Variants in CYP2C19 observed in about 807,000 individuals in gnomAD.
The protein encoded by CYP2C19 is cytochrome P450 family 2 subfamily C member 19.
A neutral mutation model predicts 40.9 loss-of-function variants in CYP2C19; 59 were observed. The ratio of observed to expected loss-of-function variants is 1.44; its 90% CI spans 1.17 to 1.79. The LOEUF is 1.79. Among genes scored for constraint, CYP2C19 ranks in the 40% most tolerant of loss-of-function variants. The pLI is 0.00. For missense variants in CYP2C19, 754 were observed against 596.9 expected (o/e 1.26, Z -2.74); for synonymous variants, 253 against 208.7 (o/e 1.21, Z -1.83).
At position 94,805,398 on chromosome 10, in the gene CYP2C19, T is replaced by G. The variant is rs7476824; in HGVS notation, c.820-15098T>G. 1.8e-4 allele frequency among the ~76,000 whole-genome samples: 28 copies of G among 152,318 alleles called. No homozygotes were observed. In the East Asian group the frequency reaches 4.6e-3, roughly 25 times the overall value. ...TTGCATTTCTGGGATAAATCTAACTTGTTTATTGTGTGTAATCTTTTAAAT... is the reference window on the plus strand; with the variant it reads ...TTGCATTTCTGGGATAAATCTAACTGGTTTATTGTGTGTAATCTTTTAAAT... On this transcript the variant is annotated intron_variant, in intron 5 of 8. Transcript: ENST00000371321.
intron 7 of CYP2C19, among the ~76,000 whole-genome samples, chr10:94,847,177 T>C (rs1225356320): frequency 6.6e-6 from 1 of 152,098 alleles, no homozygotes; most frequent in Non-Finnish European, 1.5e-5. Context: ...GCTGCACCCA[T>C]TAACTTGTCA....
intron 5 of CYP2C19, among the ~76,000 whole-genome samples, chr10:94,783,789 T>G (rs1201651075): frequency 6.6e-6 from 1 of 152,144 alleles, no homozygotes; most frequent in Non-Finnish European, 1.5e-5. Context: ...TCTGGGTCCC[T>G]TGAATCTTCA....
chr10:94,788,468 A>G (rs1444289718), intron 5 of CYP2C19, among the ~76,000 whole-genome samples: 1 of 152,132 alleles, frequency 6.6e-6, no homozygotes, highest in Non-Finnish European at 1.5e-5. Context: ...ACATAGGTAT[A>G]TACGCACCAT....
chr10:94,782,950 G>A (rs1202872694), intron 5 of CYP2C19, among the ~76,000 whole-genome samples: 1 of 151,916 alleles, frequency 6.6e-6, no homozygotes, highest in East Asian at 1.9e-4. Context: ...CACACACTGG[G>A]GCCTGTCAAG....
intron 5 of CYP2C19, among the ~76,000 whole-genome samples, chr10:94,787,361 A>G (rs1848556198): frequency 1.3e-5 from 2 of 151,908 alleles, no homozygotes; most frequent in South Asian, 4.1e-4. Context: ...AACTTGTTGA[A>G]TTGTCTAAGT....
chr10:94,849,993 C>A lies in CYP2C19; in HGVS notation c.1226C>A (p.Pro409His). The A allele has an allele frequency of 6.2e-7, 1 of 1,613,708 alleles. No individual in the cohort carries two copies. The highest frequency in any genetic ancestry group is 8.5e-7 in the Non-Finnish European group (1 of 1,179,732). ...TTTCCCAACCCAGAGATGTTTGACC[C>A]TCGTCACTTTCTGGATGAAGGTGGA... ...KEFPNPEMFDPRHFLDEGGNF... is the reference protein window; with the variant it reads ...KEFPNPEMFDHRHFLDEGGNF... The change falls in exon 8 of 9, where the codon CCT becomes CAT. Residue 409 changes from proline to histidine, a missense_variant. By Grantham distance (77) the Pro-to-His change is moderately conservative. Coordinates refer to ENST00000371321, the MANE Select transcript of CYP2C19 (RefSeq NM_000769.4).
At chr10:94,828,195 T>G (rs956240384) in intron 6 of CYP2C19, among the ~76,000 whole-genome samples, 6 of 152,150 alleles carry the variant, frequency 3.9e-5, no homozygotes, top group Admixed American at 2.6e-4. Flanking sequence ...GGTGCAGACC[T>G]GAGTTCAATT....
intron 1 of CYP2C19, among the ~76,000 whole-genome samples, chr10:94,765,843 A>G (rs966959296): frequency 6.6e-6 from 1 of 152,058 alleles, no homozygotes; most frequent in African/African-American, 2.4e-5. Context: ...TGTAGGGTGT[A>G]ATTACACTGA....
At chr10:94,778,415 C>G (rs1031683843) in intron 3 of CYP2C19, among the ~76,000 whole-genome samples, 2 of 152,082 alleles carry the variant, frequency 1.3e-5, no homozygotes, top group Admixed American at 6.5e-5. Context: ...TCCCACCACT[C>G]TGATGGATCT....
In CYP2C19 at chr10:94,823,674, T is replaced by G. The variant is rs541892953; in HGVS notation, c.961+3037T>G. On this transcript the variant is annotated intron_variant, in intron 6 of 8. Transcript: ENST00000371321. ...GCTATACCAGGTCATATTGAAAGAA[T>G]TAGGATTCAGAATTCTCAAGAGGAA... Among the ~76,000 whole-genome samples, 9 of 152,304 alleles carry G rather than the reference T, an allele frequency of 5.9e-5. No individual in the cohort carries two copies. The East Asian group carries it at 1.5e-3, about 26-fold the overall frequency.
chr10:94,797,827 G>C (rs1217224195), intron 5 of CYP2C19, among the ~76,000 whole-genome samples: 1 of 151,888 alleles, frequency 6.6e-6, no homozygotes, highest in African/African-American at 2.4e-5. Flanking sequence ...CTCTGTGATT[G>C]GTGGTGATAT....
Position 94,852,892 on chromosome 10 carries a change from A to T in CYP2C19, c.1451A>T (p.Gln484Leu). 1 of 1,613,960 alleles carries T rather than the reference A, an allele frequency of 6.2e-7. No individual in the cohort carries two copies. Among genetic ancestry groups the T allele is most frequent in the Non-Finnish European group, 8.5e-7 (1 of 1,179,928 alleles). ...TTTGCTTCTGTCCCGCCCTTCTATC[A>T]GCTGTGCTTCATTCCTGTCTGAAGA... The part of the protein sequence containing the change: ...NGFASVPPFY[Q>L]LCFIPV The change falls in exon 9 of 9, where the codon CAG (glutamine) becomes CTG (leucine). Residue 484 changes from glutamine to leucine, a missense_variant. By Grantham distance (113) the Gln-to-Leu change is moderately radical. Transcript: ENST00000371321.
At chr10:94,817,869 C>G (rs1403074831) in intron 5 of CYP2C19, among the ~76,000 whole-genome samples, 1 of 151,614 alleles carries the variant, frequency 6.6e-6, no homozygotes, top group Non-Finnish European at 1.5e-5. Context: ...AAAAATTAGC[C>G]GGGCGTAGTG....
intron 1 of CYP2C19, among the ~76,000 whole-genome samples, chr10:94,763,488 T>C (rs1007257690): frequency 1.3e-5 from 2 of 152,140 alleles, no homozygotes; most frequent in African/African-American, 4.8e-5. Context: ...TGTATAAGCA[T>C]TACGGTTTTT....
intron 5 of CYP2C19, among the ~76,000 whole-genome samples, chr10:94,799,874 T>G (rs978834618): frequency 1.3e-5 from 2 of 152,210 alleles, no homozygotes; most frequent in African/African-American, 4.8e-5. Context: ...TAAGGTCTTC[T>G]CTACACTGTT....
chr10:94,826,022 T>C, intron 6 of CYP2C19, among the ~76,000 whole-genome samples: 2 of 149,492 alleles, frequency 1.3e-5, no homozygotes, highest in African/African-American at 2.4e-5. Flanking sequence ...TCTATATCTC[T>C]GTTTTGGTAC....
intron 7 of CYP2C19, among the ~76,000 whole-genome samples, chr10:94,844,360 T>A (rs1849541737): frequency 6.6e-6 from 1 of 152,192 alleles, no homozygotes; most frequent in Admixed American, 6.5e-5. Flanking sequence ...GAATTGTACA[T>A]AATGTGAACC....
At chr10:94,846,242 A>G (rs1478631245) in intron 7 of CYP2C19, among the ~76,000 whole-genome samples, 1 of 151,964 alleles carries the variant, frequency 6.6e-6, no homozygotes, top group Non-Finnish European at 1.5e-5. Context: ...CTCTGTGAAG[A>G]GTTGAGGCCT....
chr10:94,762,700 G>C lies in CYP2C19; in HGVS notation c.-6G>C. ...ACGGTTGTCTTAACAAGAGGAGAAGGCTTCAATGGATCCTTTTGTGGTCCT... is the reference window on the plus strand; with the variant it reads ...ACGGTTGTCTTAACAAGAGGAGAAGCCTTCAATGGATCCTTTTGTGGTCCT... On this transcript the variant is annotated 5_prime_UTR_variant, in exon 1 of 9. Transcript: ENST00000371321. 1 of 1,612,788 alleles carries C rather than the reference G, an allele frequency of 6.2e-7. No homozygotes were observed. The highest frequency in any genetic ancestry group is 1.3e-5 in the African/African-American group (1 of 74,996).
Sources: gnomAD v4.1 joint callset for allele counts (sites outside exome capture counted in the v4.1 genomes callset) on GRCh38, gnomAD v4.1.1 for gene constraint, MANE v1.5 for transcripts, NCBI Gene and HGNC (gene_info 2026-07-23, HGNC 2026-07-21) for gene names.